Variants in UBL3 observed in about 807,000 individuals in gnomAD.
UBL3 encodes the protein ubiquitin-like protein 3.
In UBL3, 6 loss-of-function variants were observed where a neutral mutation model predicts 18.4. The ratio of observed to expected loss-of-function variants is 0.33; its 90% CI spans 0.18 to 0.64. The LOEUF (loss-of-function observed/expected upper bound fraction) is 0.64, where lower values mean the gene tolerates loss of function less well. UBL3 is among the 30% of genes least tolerant of loss of function. UBL3 has a pLI of 0.76. For missense variants in UBL3, 109 were observed against 142.9 expected (o/e 0.76, Z 1.21); for synonymous variants, 49 against 46.6 (o/e 1.05, Z -0.21).
intron 2 of UBL3, among the ~76,000 whole-genome samples, chr13:29,773,289 T>C (rs888462582): frequency 6.6e-6 from 1 of 152,084 alleles, no homozygotes; most frequent in Non-Finnish European, 1.5e-5. Flanking sequence ...AGAGGAGAAA[T>C]GAATCCGTCA....
At chr13:29,820,465 C>G (rs1009849892) in intron 1 of UBL3, among the ~76,000 whole-genome samples, 5 of 152,124 alleles carry the variant, frequency 3.3e-5, no homozygotes, top group African/African-American at 1.2e-4. Context: ...AGTGAGCCAC[C>G]ATGCCTGGCC....
intron 1 of UBL3, among the ~76,000 whole-genome samples, chr13:29,779,556 G>A (rs1442817579): frequency 6.6e-6 from 1 of 152,108 alleles, no homozygotes; most frequent in African/African-American, 2.4e-5. Flanking sequence ...TTTAGGATCT[G>A]TAAAGGTGAC....
chr13:29,816,149 G>GA, intron 1 of UBL3, among the ~76,000 whole-genome samples: 1 of 152,146 alleles, frequency 6.6e-6, no homozygotes, highest in East Asian at 1.9e-4. Context: ...CAATATGAAT[G>GA]AAAGTATTTT....
chr13:29,777,003 G>T (rs1877016003), intron 2 of UBL3, 152 bp downstream of exon 2: 2 of 492,834 alleles, frequency 4.1e-6, no homozygotes, highest in African/African-American at 4.0e-5. Flanking sequence ...AGCAAGATAA[G>T]GAAGGGTACA....
intron 1 of UBL3, among the ~76,000 whole-genome samples, chr13:29,796,491 A>T (rs916652498): frequency 1.6e-4 from 24 of 152,204 alleles, no homozygotes; most frequent in Non-Finnish European, 7.4e-5. Flanking sequence ...TAAATCTAAT[A>T]AACTAAACTT....
At chr13:29,840,943 T>C (rs1031559315) in intron 1 of UBL3, among the ~76,000 whole-genome samples, 3 of 152,186 alleles carry the variant, frequency 2.0e-5, no homozygotes, top group African/African-American at 7.2e-5. Flanking sequence ...GCTTTAAATA[T>C]GTAAGGAGGC....
intron 1 of UBL3, 101 bp downstream of exon 1, chr13:29,849,411 G>A: frequency 6.5e-7 from 1 of 1,544,354 alleles, no homozygotes; most frequent in Non-Finnish European, 8.9e-7. Flanking sequence ...GTGGCTTTTC[G>A]ACAGTCCCCA....
intron 1 of UBL3, among the ~76,000 whole-genome samples, chr13:29,780,386 A>ATGTG (rs1307229691): frequency 8.6e-5 from 10 of 116,702 alleles, no homozygotes; most frequent in Admixed American, 5.6e-4. Flanking sequence ...ATATATATAT[A>ATGTG]TATATGTGTG....
At chr13:29,836,099 C>T (rs1878955580) in intron 1 of UBL3, among the ~76,000 whole-genome samples, 1 of 152,046 alleles carries the variant, frequency 6.6e-6, no homozygotes. Flanking sequence ...AGAGAGGGTA[C>T]TTGAACTAGG....
intron 1 of UBL3, among the ~76,000 whole-genome samples, chr13:29,790,763 T>C (rs949081273): frequency 2.9e-5 from 4 of 138,710 alleles, no homozygotes; most frequent in African/African-American, 8.0e-5. Flanking sequence ...AGAACTAGTG[T>C]TTGGTTAAAC....
At chr13:29,824,086 C>T (rs562826701) in intron 1 of UBL3, among the ~76,000 whole-genome samples, 5 of 152,254 alleles carry the variant, frequency 3.3e-5, no homozygotes, top group African/African-American at 9.6e-5. Flanking sequence ...ATGTGCCACA[C>T]TTTCTTAATC....
intron 1 of UBL3, among the ~76,000 whole-genome samples, chr13:29,789,109 G>A (rs1462030043): frequency 1.3e-5 from 2 of 152,078 alleles, no homozygotes. Context: ...ATGTTGGTCA[G>A]GCTAGTTTCA....
chr13:29,816,385 T>C (rs1878281931), intron 1 of UBL3, among the ~76,000 whole-genome samples: 1 of 152,112 alleles, frequency 6.6e-6, no homozygotes, highest in Non-Finnish European at 1.5e-5. Context: ...GTTTTGACTA[T>C]CTAAAACAAA....
intron 1 of UBL3, among the ~76,000 whole-genome samples, chr13:29,818,807 C>A (rs921044698): frequency 2.0e-5 from 3 of 152,124 alleles, no homozygotes; most frequent in East Asian, 3.8e-4. Flanking sequence ...ATGCGTTCTC[C>A]CCTTCACAAT....
At chr13:29,768,578 C>CTA (rs1378042584) in intron 3 of UBL3, among the ~76,000 whole-genome samples, 3 of 151,994 alleles carry the variant, frequency 2.0e-5, no homozygotes, top group Non-Finnish European at 4.4e-5. Flanking sequence ...AAAACCTGCT[C>CTA]TATAGGATGA....
chr13:29,801,424 T>A (rs865796772), intron 1 of UBL3, among the ~76,000 whole-genome samples: 6 of 152,128 alleles, frequency 3.9e-5, no homozygotes, highest in African/African-American at 1.4e-4. Context: ...AGAGCTTTAT[T>A]CACACTTAAA....
At chr13:29,827,735 G>A (rs1229129140) in intron 1 of UBL3, among the ~76,000 whole-genome samples, 1 of 152,128 alleles carries the variant, frequency 6.6e-6, no homozygotes, top group African/African-American at 2.4e-5. Context: ...ATGTTAGCTG[G>A]TTAGTTTGCT....
At chr13:29,791,566 AG>A (rs1766815428) in intron 1 of UBL3, among the ~76,000 whole-genome samples, 1 of 152,224 alleles carries the variant, frequency 6.6e-6, no homozygotes, top group Admixed American at 6.5e-5. Flanking sequence ...TATCCTGGCA[AG>A]AATCACCAGA....
At chr13:29,771,940 C>T (rs553218151) in intron 3 of UBL3, among the ~76,000 whole-genome samples, 172 bp downstream of exon 3, 42 of 152,056 alleles carry the variant, frequency 2.8e-4, no homozygotes, top group African/African-American at 9.6e-4. Flanking sequence ...AGTCCTAAAA[C>T]TAAATTTAAC....
Sources: gnomAD v4.1 joint callset for allele counts (sites outside exome capture counted in the v4.1 genomes callset) on GRCh38, gnomAD v4.1.1 for gene constraint, MANE v1.5 for transcripts, NCBI Gene and HGNC (gene_info 2026-07-23, HGNC 2026-07-21) for gene names.